AFP: variants seen among roughly 807,000 people sequenced by gnomAD.
AFP encodes the protein alpha-fetoprotein.
AFP carries 64 observed loss-of-function variants against 78.9 expected under a neutral mutation model. The ratio of observed to expected loss-of-function variants is 0.81; its 90% CI spans 0.66 to 1.00. The LOEUF (loss-of-function observed/expected upper bound fraction) is 1.00. Among genes scored for constraint, AFP ranks in the 50% least tolerant of loss-of-function variants. The pLI is 0.00. For synonymous variants in AFP, 254 were observed against 243.8 expected (o/e 1.04, Z -0.39); for missense variants, 689 against 703.8 (o/e 0.98, Z 0.24).
At chr4:73,438,956 C>T (rs1719588744) in intron 3 of AFP, among the ~76,000 whole-genome samples, 1 of 152,122 alleles carries the variant, frequency 6.6e-6, no homozygotes, top group Admixed American at 6.5e-5. Flanking sequence ...CACCAAATGG[C>T]AGAGCCAGGA....
At position 73,450,612 on chromosome 4, in the gene AFP, C is replaced by T. The variant is rs569970534; in HGVS notation, c.1290-3C>T. The T allele has an allele frequency of 6.2e-7, 1 of 1,614,126 alleles. No individual in the cohort carries two copies. Among genetic ancestry groups the T allele is most frequent in the East Asian group, 2.2e-5 (1 of 44,882 alleles). ...GGACTTAGTTAAAAAATGCTTCTTT[C>T]AGGTTTCTCGTTGCTTACACAAAGA... On this transcript the variant is annotated splice_region_variant and splice_polypyrimidine_tract_variant and intron_variant, in intron 10 of 14. Transcript: ENST00000395792.
intron 4 of AFP, among the ~76,000 whole-genome samples, 182 bp downstream of exon 4, chr4:73,440,995 C>T (rs1719644754): frequency 6.6e-6 from 1 of 152,146 alleles, no homozygotes; most frequent in South Asian, 2.1e-4. Context: ...AACTTGGTTT[C>T]CATAGCACGC....
intron 3 of AFP, 67 bp downstream of exon 3, chr4:73,438,373 A>G (rs1364163469): frequency 2.0e-6 from 3 of 1,523,884 alleles, no homozygotes; most frequent in East Asian, 2.4e-5. Flanking sequence ...AAGAGAAGAT[A>G]CAAAAATAGC....
At chr4:73,453,243 T>C (rs1720058445) in intron 12 of AFP, among the ~76,000 whole-genome samples, 1 of 152,226 alleles carries the variant, frequency 6.6e-6, no homozygotes, top group African/African-American at 2.4e-5. Context: ...GTCTGAGGTA[T>C]GTTTCACAGT....
rs1366202393 is a variant in AFP, at chr4:73,455,760, A to G, written c.*140A>G. On this transcript the variant is annotated 3_prime_UTR_variant, in exon 15 of 15. Transcript: ENST00000395792. ...TGTGAGATTTCCTTATCACAGAAAT[A>G]AAATATCTCCAAATGTTTCCTTTTC... The G allele has an allele frequency of 1.5e-6, 1 of 645,236 alleles. No homozygotes were observed. Among genetic ancestry groups the G allele is most frequent in the African/African-American group, 1.9e-5 (1 of 53,740 alleles). 40.0% of individuals were successfully genotyped at this position (645,236 alleles called of 1,614,324 possible).
intron 4 of AFP, among the ~76,000 whole-genome samples, chr4:73,441,563 G>A (rs1719666379): frequency 3.1e-5 from 1 of 32,324 alleles, no homozygotes; most frequent in African/African-American, 1.3e-4. Flanking sequence ...GCGAGACTCC[G>A]TCTCAAAAAA....
At chr4:73,452,737 A>G in intron 12 of AFP, 113 bp downstream of exon 12, 1 of 841,154 alleles carries the variant, frequency 1.2e-6, no homozygotes, top group Non-Finnish European at 2.0e-6. Context: ...CGTTACTCCC[A>G]AAACACTTAA....
At chr4:73,447,343 C>G in intron 7 of AFP, 119 bp from the exon 8 acceptor site, 1 of 598,974 alleles carries the variant, frequency 1.7e-6, no homozygotes, top group East Asian at 3.3e-5. Flanking sequence ...GGCCTTTTTT[C>G]CTTCTTTCTT....
In AFP at chr4:73,443,402, G is replaced by A. The variant is rs1411506639; in HGVS notation, c.671G>A (p.Cys224Tyr). ...AGCAGCTTGTTAAATCAACATGCAT[G>A]TGCAGTAATGAAAAATTTTGGGACC... Reference protein sequence around the residue: ...RESSLLNQHACAVMKNFGTRT... With the variant: ...RESSLLNQHAYAVMKNFGTRT... The change falls in exon 6 of 15, where the codon TGT (cysteine) becomes TAT (tyrosine). Residue 224 changes from cysteine to tyrosine, a missense_variant. Physicochemically the swap from Cys to Tyr is radical, Grantham distance 194 (BLOSUM62 -2). Coordinates refer to ENST00000395792, the MANE Select transcript of AFP (RefSeq NM_001134.3). The A allele has an allele frequency of 3.1e-6, 5 of 1,613,622 alleles. No homozygotes were observed. The highest frequency in any genetic ancestry group is 3.3e-5 in the Admixed American group (2 of 59,998).
intron 6 of AFP, among the ~76,000 whole-genome samples, 173 bp downstream of exon 6, chr4:73,443,617 A>G (rs1458614754): frequency 6.6e-6 from 1 of 152,224 alleles, no homozygotes; most frequent in East Asian, 1.9e-4. Context: ...GAAGGAAGCT[A>G]ACGGATAAGT....
At chr4:73,450,237 C>A in intron 10 of AFP, 104 bp downstream of exon 10, 2 of 989,484 alleles carry the variant, frequency 2.0e-6, no homozygotes, top group Non-Finnish European at 3.1e-6. Context: ...CCTGTGAGGT[C>A]TGATCTGTGG....
intron 9 of AFP, 61 bp downstream of exon 9, chr4:73,449,528 A>G: frequency 5.0e-6 from 8 of 1,595,040 alleles, no homozygotes; most frequent in Non-Finnish European, 6.9e-6. Flanking sequence ...TCTGTTAAAA[A>G]TGCTGTTTGT....
In AFP at chr4:73,447,442, C is replaced by T. The variant is rs1719862967; in HGVS notation, c.844-20C>T. On this transcript the variant is annotated intron_variant, in intron 7 of 14. Transcript: ENST00000395792. ...AAAGAATAAATCTTTAAAACTTATA[C>T]TTTATTTTCTCTGTTGCAGGAAAAA... is the stretch of plus-strand genomic sequence containing the variant. 1.3e-6 allele frequency: 2 copies of T among 1,545,570 alleles called. No homozygotes were observed. The highest frequency in any genetic ancestry group is 1.8e-6 in the Non-Finnish European group (2 of 1,130,032).
chr4:73,443,357 T>C lies in AFP; in HGVS notation c.626T>C (p.Val209Ala), dbSNP rs763707750. 3.1e-6 allele frequency: 5 copies of C among 1,612,920 alleles called. No individual in the cohort carries two copies. The highest frequency in any genetic ancestry group is 4.2e-6 in the Non-Finnish European group (5 of 1,179,116). ...VECFQTKAAT[V>A]TKELRESSLL... ...TTCCTCTACATCTAGGCAGCAACAG[T>C]TACAAAAGAATTAAGAGAAAGCAGC... The change falls in exon 6 of 15, where the codon GTT becomes GCT. Residue 209 changes from valine (V) to alanine (A), a missense_variant. Val to Ala is a moderately conservative substitution (Grantham distance 64). Transcript: ENST00000395792.
In AFP at chr4:73,456,025, A is replaced by G. The variant is rs1273028676; in HGVS notation, c.*405A>G. On this transcript the variant is annotated 3_prime_UTR_variant, in exon 15 of 15. Transcript: ENST00000395792. ...ATGACCATCACTGAAGTATTCTAAC[A>G]GATAATCTGGAGATGAGAAAAGAAA... The G allele has an allele frequency of 5.4e-6, 1 of 184,814 alleles. No individual in the cohort carries two copies. Among genetic ancestry groups the G allele is most frequent in the Non-Finnish European group, 1.1e-5 (1 of 90,458 alleles). The allele number at this position is 184,814 out of a possible 1,614,324, so 11.4% of individuals were successfully genotyped here.
At chr4:73,453,654 A>G (rs1206656771) in intron 12 of AFP, 111 bp from the exon 13 acceptor site, 1 of 1,247,426 alleles carries the variant, frequency 8.0e-7, no homozygotes, top group East Asian at 2.5e-5. Flanking sequence ...GTCTGGTGAT[A>G]GGTTGATGGA....
intron 4 of AFP, among the ~76,000 whole-genome samples, chr4:73,442,085 T>G (rs1421118138): frequency 6.6e-6 from 1 of 152,212 alleles, no homozygotes; most frequent in African/African-American, 2.4e-5. Flanking sequence ...GTCAGATATT[T>G]TTCCCCCCAG....
At chr4:73,451,569 G>A (rs1428428031) in intron 11 of AFP, among the ~76,000 whole-genome samples, 1 of 152,172 alleles carries the variant, frequency 6.6e-6, no homozygotes, top group Non-Finnish European at 1.5e-5. Context: ...AGGCTGCAGG[G>A]ATGCAGGATG....
Position 73,456,050 on chromosome 4 carries a change from A to G in AFP, c.*430A>G, listed in dbSNP as rs1720149834. 1 of 166,488 alleles carries G rather than the reference A, an allele frequency of 6.0e-6. No individual in the cohort carries two copies. The highest frequency in any genetic ancestry group is 6.3e-5 in the Admixed American group (1 of 15,756). 10.3% of individuals were successfully genotyped at this position (166,488 alleles called of 1,614,324 possible). A position where few individuals can be genotyped will look rare whatever the true frequency, so the allele number is the denominator to read the frequency against. On this transcript the variant is annotated 3_prime_UTR_variant, in exon 15 of 15. Transcript: ENST00000395792. ...AGATAATCTGGAGATGAGAAAAGAA[A>G]TTATTATTCTTCTATGGGATCTAAG... is the stretch of plus-strand genomic sequence containing the variant.
Sources: gnomAD v4.1 joint callset for allele counts (sites outside exome capture counted in the v4.1 genomes callset) on GRCh38, gnomAD v4.1.1 for gene constraint, MANE v1.5 for transcripts, NCBI Gene and HGNC (gene_info 2026-07-23, HGNC 2026-07-21) for gene names.